Variants in PPIG observed in about 807,000 individuals in gnomAD.
The protein encoded by PPIG is peptidylprolyl isomerase G.
Under a neutral mutation model 87.9 loss-of-function variants are expected in PPIG, and 26 were observed. That is an observed-to-expected ratio of 0.30 (90% confidence interval 0.22 to 0.41). PPIG has a LOEUF of 0.41. Among genes scored for constraint, PPIG ranks in the 10% least tolerant of loss-of-function variants. The probability of loss-of-function intolerance (pLI) is 1.00; values close to 1 mark genes in which losing one functional copy is unlikely to be tolerated. For missense variants in PPIG, 722 were observed against 879.4 expected (o/e 0.82, Z 2.26); for synonymous variants, 308 against 276.5 (o/e 1.11, Z -1.13).
rs78054206 is a variant in PPIG, at chr2:169,637,167, C to A, written c.1909C>A (p.Gln637Lys). The A allele has an allele frequency of 1.2e-6, 2 of 1,612,430 alleles. No individual in the cohort carries two copies. Among genetic ancestry groups the A allele is most frequent in the African/African-American group, 1.3e-5 (1 of 74,826 alleles). ...DSRSSEREES[Q>K]SRNKDKYRNQ... ...ACGGAGCTCAGAGAGAGAAGAAAGT[C>A]AAAGCAGAAACAAAGACAAATACAG... Residue 637 changes from glutamine (Q) to lysine (K), a missense_variant, in exon 14 of 14, where the codon CAA (glutamine) becomes AAA (lysine). Around this residue, in one of 4 missense-constraint regions of PPIG, gnomAD observed 476 missense variants for 483.1 expected, o/e 0.99. Coordinates refer to ENST00000260970, the MANE Select transcript of PPIG (RefSeq NM_004792.3).
At position 169,639,498 on chromosome 2, in the gene PPIG, A is replaced by T. The variant is rs1686263825; in HGVS notation, c.*1975A>T. ...CTTTATCTACTAAAAATTATACATA[A>T]GGATTTCCAAATCTTAGAGTTTCAA... On this transcript the variant is annotated 3_prime_UTR_variant, in exon 14 of 14. Transcript: ENST00000260970. 1 of 152,190 alleles carries T rather than the reference A, an allele frequency of 6.6e-6. No homozygotes were observed. Among genetic ancestry groups the T allele is most frequent in the South Asian group, 2.1e-4 (1 of 4,830 alleles). The allele number at this position is 152,190 out of a possible 1,614,324, so 9.4% of individuals were successfully genotyped here.
rs1167511111 is a variant in PPIG at position 169,641,229 on chromosome 2, T to C, written c.*3706T>C. On this transcript the variant is annotated 3_prime_UTR_variant, in exon 14 of 14. Coordinates refer to ENST00000260970, the MANE Select transcript of PPIG (RefSeq NM_004792.3). ...GTGATTATATTTTTTTAATGAAGTT[T>C]AGAAAAAAAGCTGTTGTCTTCTCAA... The C allele has an allele frequency of 6.6e-6, 1 of 152,158 alleles. No homozygotes were observed. Among genetic ancestry groups the C allele is most frequent in the East Asian group, 1.9e-4 (1 of 5,196 alleles). The allele number at this position is 152,158 out of a possible 1,614,324, so 9.4% of individuals were successfully genotyped here.
intron 1 of PPIG, among the ~76,000 whole-genome samples, chr2:169,597,993 G>T (rs1313377839): frequency 7.0e-6 from 1 of 143,020 alleles, no homozygotes; most frequent in South Asian, 2.2e-4. Flanking sequence ...GAGCCACCAT[G>T]CCTGGGCAAC....
At chr2:169,585,268 G>GTTTTTTTTTTTTTTTTT (rs1476229562) in intron 1 of PPIG, among the ~76,000 whole-genome samples, 1 of 22,108 alleles carries the variant, frequency 4.5e-5, no homozygotes, top group Non-Finnish European at 1.1e-4. Context: ...TTCTTGGTTA[G>GTTTTTTTTTTTTTTTTT]TCTTTTTTTT....
At chr2:169,589,667 G>T (rs1382181468) in intron 1 of PPIG, among the ~76,000 whole-genome samples, 2 of 152,122 alleles carry the variant, frequency 1.3e-5, no homozygotes, top group East Asian at 3.9e-4. Context: ...TTTGGGGGGG[G>T]TTGTTTTTTT....
intron 5 of PPIG, among the ~76,000 whole-genome samples, chr2:169,606,710 G>C (rs913760777): frequency 6.6e-6 from 1 of 151,698 alleles, no homozygotes; most frequent in South Asian, 2.1e-4. Context: ...AATCTGTCAA[G>C]TGTTTCTGTT....
Position 169,637,281 on chromosome 2 carries a change from A to G in PPIG, c.2023A>G (p.Asn675Asp). ...TAAAAGTCGTGATCATAATAGCTCA[A>G]ATAACAGCAGGGAAAAAAAGGCTGA... ...YSKSRDHNSSNNSREKKADRD... is the reference protein window; with the variant it reads ...YSKSRDHNSSDNSREKKADRD... Residue 675 changes from asparagine (N) to aspartate (D), a missense_variant, in exon 14 of 14, where the codon AAT becomes GAT. Physicochemically the swap from Asn to Asp is conservative, Grantham distance 23 (BLOSUM62 1). This residue lies in a region of PPIG where 476 missense variants were observed against 483.1 expected (regional missense o/e 0.99). Transcript: ENST00000260970. 1 of 1,609,224 alleles carries G rather than the reference A, an allele frequency of 6.2e-7. No homozygotes were observed. Among genetic ancestry groups the G allele is most frequent in the Non-Finnish European group, 8.5e-7 (1 of 1,178,978 alleles).
chr2:169,623,758 A>G (rs1174551771), intron 9 of PPIG, among the ~76,000 whole-genome samples: 1 of 152,228 alleles, frequency 6.6e-6, no homozygotes, highest in Non-Finnish European at 1.5e-5. Flanking sequence ...GATGCAACCC[A>G]TAATGTGAAA....
intron 9 of PPIG, among the ~76,000 whole-genome samples, chr2:169,629,130 C>CG: frequency 6.6e-6 from 1 of 152,126 alleles, no homozygotes; most frequent in East Asian, 1.9e-4. Context: ...TTTTCCTTGA[C>CG]TTTTTATTGT....
At chr2:169,619,032 C>G (rs2105505302) in intron 9 of PPIG, among the ~76,000 whole-genome samples, 1 of 152,192 alleles carries the variant, frequency 6.6e-6, no homozygotes, top group South Asian at 2.1e-4. Context: ...ATAAATTTCC[C>G]TCGAAACACT....
chr2:169,628,907 C>G (rs1347701754), intron 9 of PPIG, among the ~76,000 whole-genome samples: 1 of 134,394 alleles, frequency 7.4e-6, no homozygotes, highest in African/African-American at 2.9e-5. Context: ...GGTCTGCACT[C>G]TAGCCTGGGC....
In PPIG at chr2:169,596,414, G is replaced by A. The variant is rs145350175; in HGVS notation, c.-69-7228G>A. 3.5e-4 allele frequency among the ~76,000 whole-genome samples: 54 copies of A among 152,196 alleles called. No homozygotes were observed. The East Asian group carries it at 0.01, about 28-fold the overall frequency. ...GCCTTCGCACCCGGCCGAAAATTGT[G>A]TTTTGAGTGGCCTAAACCCCTAGAT... On this transcript the variant is annotated intron_variant, in intron 1 of 13. Transcript: ENST00000260970.
intron 7 of PPIG, among the ~76,000 whole-genome samples, chr2:169,613,950 AAAAC>A (rs1685552216): frequency 2.6e-5 from 4 of 152,220 alleles, no homozygotes; most frequent in Admixed American, 2.6e-4. Context: ...AAAAACAAAA[AAAAC>A]TTGTAAACAC....
intron 5 of PPIG, among the ~76,000 whole-genome samples, chr2:169,606,601 A>G (rs1685334494): frequency 1.3e-5 from 2 of 150,942 alleles, no homozygotes; most frequent in South Asian, 2.1e-4. Context: ...CAAAAAAAAA[A>G]AAAAAAAGAA....
rs1437069555 is a variant in PPIG, at chr2:169,584,372, A to G, written c.-188A>G. On this transcript the variant is annotated 5_prime_UTR_variant, in exon 1 of 14. Transcript: ENST00000260970. ...CGGTGCGACGCTGTCTCTCCATGCC[A>G]GGACTGAGTTGTGGGGGAGGGAGGC... The G allele has an allele frequency of 2.1e-6, 1 of 471,030 alleles. No homozygotes were observed. Among genetic ancestry groups the G allele is most frequent in the Non-Finnish European group, 4.4e-6 (1 of 227,054 alleles). 29.2% of individuals were successfully genotyped at this position (471,030 alleles called of 1,614,324 possible).
chr2:169,618,450 CTGGTAGAATT>C (rs1452445691), intron 9 of PPIG, among the ~76,000 whole-genome samples: 2 of 152,160 alleles, frequency 1.3e-5, no homozygotes, highest in Non-Finnish European at 2.9e-5. Context: ...CTTTGTACCT[CTGGTAGAATT>C]TAGCTGTGAA....
rs1686245485 is a variant in PPIG, at chr2:169,638,676, G to A, written c.*1153G>A. 1 of 151,964 alleles carries A rather than the reference G, an allele frequency of 6.6e-6. No homozygotes were observed. The highest frequency in any genetic ancestry group is 2.1e-4 in the South Asian group (1 of 4,824). The allele number at this position is 151,964 out of a possible 1,614,324, so 9.4% of individuals were successfully genotyped here. ...TGTTAATGTTATTTTAACTTGGCAT[G>A]TATAACATTGCCATATAGAGTAGAG... On this transcript the variant is annotated 3_prime_UTR_variant, in exon 14 of 14. Transcript: ENST00000260970.
At chr2:169,596,398 C>A (rs753422042) in intron 1 of PPIG, among the ~76,000 whole-genome samples, 1 of 152,192 alleles carries the variant, frequency 6.6e-6, no homozygotes, top group Non-Finnish European at 1.5e-5. Flanking sequence ...AGCCTTCGCA[C>A]CCGGCCGAAA....
At chr2:169,603,050 A>C (rs1436676002) in intron 1 of PPIG, among the ~76,000 whole-genome samples, 2 of 152,202 alleles carry the variant, frequency 1.3e-5, no homozygotes, top group Admixed American at 1.3e-4. Context: ...GACAATGATA[A>C]TGTTTACTGA....
Sources: allele counts gnomAD v4.1 joint callset (sites outside exome capture counted in the v4.1 genomes callset), GRCh38; gene constraint gnomAD v4.1.1; regional missense constraint gnomAD v4.1.1; transcripts MANE v1.5; gene names NCBI Gene and HGNC (gene_info 2026-07-23, HGNC 2026-07-21).